The following EPN1 variants were observed in gnomAD, a reference collection of about 807,000 sequenced individuals.
The protein encoded by EPN1 is epsin-1.
A neutral mutation model predicts 56.9 loss-of-function variants in EPN1; 25 were observed. That is an observed-to-expected ratio of 0.44 (90% CI 0.32 to 0.61). The LOEUF is 0.61. EPN1 is among the 20% of genes least tolerant of loss of function. The pLI is 0.05. For missense variants in EPN1, 785 were observed against 823.7 expected (o/e 0.95, Z 0.58); for synonymous variants, 411 against 361.8 (o/e 1.14, Z -1.54).
intron 1 of EPN1, among the ~76,000 whole-genome samples, chr19:55,678,126 G>T (rs1396806657): frequency 1.3e-5 from 2 of 152,238 alleles, no homozygotes; most frequent in East Asian, 3.9e-4. Flanking sequence ...GGATGAGGAA[G>T]AAGGAAGAGC....
intron 1 of EPN1, chr19:55,677,870 T>C: frequency 1.6e-6 from 2 of 1,213,468 alleles, no homozygotes. Flanking sequence ...CTCCACTTCC[T>C]CCTTGCATGG....
At chr19:55,693,550 C>T (rs776619569) in intron 9 of EPN1, among the ~76,000 whole-genome samples, 24 of 152,212 alleles carry the variant, frequency 1.6e-4, no homozygotes, top group African/African-American at 5.3e-4. Context: ...TCGCCGGTGA[C>T]GGGCCCATCT....
Position 55,695,619 on chromosome 19 carries a change from C to A in EPN1, c.*263C>A. ...GGGGGAGGGGTGGCTGGGGCCCCCA[C>A]CCATTCCCCCTCCCTCCAAACTCCC... On this transcript the variant is annotated 3_prime_UTR_variant, in exon 11 of 11. Transcript: ENST00000270460. The surrounding 1 kb of genome is among the most constrained non-coding windows in gnomAD (Gnocchi z 4.4). The A allele has an allele frequency of 2.2e-5, 11 of 493,014 alleles. No homozygotes were observed. The highest frequency in any genetic ancestry group is 5.2e-4 in the Middle Eastern group (1 of 1,924). 30.5% of individuals were successfully genotyped at this position (493,014 alleles called of 1,614,324 possible).
rs1166410956 is a variant in EPN1, at chr19:55,701,378, G to C, written c.*6022G>C. 1 of 151,758 alleles carries C rather than the reference G, an allele frequency of 6.6e-6. No individual in the cohort carries two copies. The highest frequency in any genetic ancestry group is 6.6e-5 in the Admixed American group (1 of 15,232). 9.4% of individuals were successfully genotyped at this position (151,758 alleles called of 1,614,324 possible). A position where few individuals can be genotyped will look rare whatever the true frequency, so the allele number is the denominator to read the frequency against. On this transcript the variant is annotated 3_prime_UTR_variant, in exon 11 of 11. Coordinates refer to ENST00000270460, the MANE Select transcript of EPN1 (RefSeq NM_001130072.2). ...GCAGGAGAATCGCTTGAACCCAGGA[G>C]GCGGAGGTTGTAGTGAGCCGAGATT...
chr19:55,685,458 G>A lies in EPN1; in HGVS notation c.291G>A (p.Lys97=). 1.2e-6 allele frequency: 2 copies of A among 1,611,778 alleles called. No individual in the cohort carries two copies. Among genetic ancestry groups the A allele is most frequent in the Non-Finnish European group, 1.7e-6 (2 of 1,179,142 alleles). The change falls in exon 3 of 11, where the codon AAG becomes AAA. Residue 97 remains lysine (K), a synonymous_variant. Coordinates refer to ENST00000270460, the MANE Select transcript of EPN1 (RefSeq NM_001130072.2). The part of the protein sequence containing the change: ...TGSERVSQQC[K]ENMYAVQTLK... Reference sequence around the variant, plus strand: ...CGGAGCGCGTGTCGCAGCAGTGCAAGGAGAACATGTACGCCGTGCAGACGC... The same window carrying A: ...CGGAGCGCGTGTCGCAGCAGTGCAAAGAGAACATGTACGCCGTGCAGACGC...
rs1433318083 is a variant in EPN1 at position 55,704,098 on chromosome 19, T to C, written c.*8742T>C. On this transcript the variant is annotated 3_prime_UTR_variant, in exon 11 of 11. Transcript: ENST00000270460. ...TCTCACACGTACCTCTCGCGGGCTCTTACTCGTGGTCCCGGTCTCCTCCTG... is the reference window on the plus strand; with the variant it reads ...TCTCACACGTACCTCTCGCGGGCTCCTACTCGTGGTCCCGGTCTCCTCCTG... 1 of 152,318 alleles carries C rather than the reference T, an allele frequency of 6.6e-6. No homozygotes were observed. Among genetic ancestry groups the C allele is most frequent in the East Asian group, 1.9e-4 (1 of 5,192 alleles). The allele number at this position is 152,318 out of a possible 1,614,324, so 9.4% of individuals were successfully genotyped here.
At chr19:55,685,674 C>T (rs1362174961) in intron 3 of EPN1, 29 bp downstream of exon 3, 2 of 1,570,548 alleles carry the variant, frequency 1.3e-6, no homozygotes, top group Non-Finnish European at 1.7e-6. Context: ...CCCCTGACGG[C>T]CTAGAGTCTG....
chr19:55,688,715 C>G (rs1986328518), intron 3 of EPN1, among the ~76,000 whole-genome samples, 155 bp from the exon 4 acceptor site: 1 of 152,036 alleles, frequency 6.6e-6, no homozygotes, highest in Non-Finnish European at 1.5e-5. Flanking sequence ...CGTCTGGTCT[C>G]CGCCTCTCAG....
chr19:55,683,804 C>T (rs929613350), intron 2 of EPN1, among the ~76,000 whole-genome samples: 6 of 152,204 alleles, frequency 3.9e-5, no homozygotes, highest in African/African-American at 9.7e-5. Flanking sequence ...GCTCTGGAAA[C>T]GAAAGTGTTT....
At chr19:55,681,309 C>G (rs562268202) in intron 2 of EPN1, among the ~76,000 whole-genome samples, 8 of 152,196 alleles carry the variant, frequency 5.3e-5, no homozygotes, top group Non-Finnish European at 1.2e-4. Flanking sequence ...TTCTTTTTCT[C>G]CTTTTCCTCT....
chr19:55,689,799 A>G lies in EPN1; in HGVS notation c.679-68A>G, dbSNP rs1312161117. ...GGTGGGAGGGGTTGCTGGGGCTTCC[A>G]GGCTGAGGTGGCATCTGCCCGTGGC... On this transcript the variant is annotated intron_variant, in intron 5 of 10. Coordinates refer to ENST00000270460, the MANE Select transcript of EPN1 (RefSeq NM_001130072.2). The surrounding 1 kb of genome is among the most constrained non-coding windows in gnomAD (Gnocchi z 5.7). The G allele has an allele frequency of 6.8e-7, 1 of 1,462,122 alleles. No individual in the cohort carries two copies. The highest frequency in any genetic ancestry group is 1.4e-5 in the African/African-American group (1 of 71,390). The allele number at this position is 1,462,122 out of a possible 1,614,324, so 90.6% of individuals were successfully genotyped here. A position where few individuals can be genotyped will look rare whatever the true frequency, so the allele number is the denominator to read the frequency against.
At chr19:55,680,696 G>T (rs1157170755) in intron 2 of EPN1, 1 of 152,348 alleles carries the variant, frequency 6.6e-6, no homozygotes, top group East Asian at 1.9e-4. Flanking sequence ...TCCAGGAGGG[G>T]GTCCCTGGGT....
At position 55,692,346 on chromosome 19, in the gene EPN1, G is replaced by A. The variant is rs191339323; in HGVS notation, c.1066+289G>A. On this transcript the variant is annotated intron_variant, in intron 7 of 10. Transcript: ENST00000270460. ...GAGCGTGTGTGACGTAGGCATCTGG[G>A]GAGGGCGGTGGGTGGAGCTGGGAGG... Among the ~76,000 whole-genome samples, 753 of 152,166 alleles carry A rather than the reference G, an allele frequency of 4.9e-3. 5 individuals are homozygous for A. Among genetic ancestry groups the A allele is most frequent in the Middle Eastern group, 0.024 (7 of 294 alleles).
rs1987415780 is a variant in EPN1 at position 55,706,315 on chromosome 19, GCT to G, written c.*10962_*10963del. On this transcript the variant is annotated 3_prime_UTR_variant, in exon 11 of 11. Transcript: ENST00000270460. The stretch of plus-strand genomic sequence containing the variant: ...TTTTTTTTTTAAAAGACCGTGTTTC[GCT>G]CTGTCACCCAGGCTGGAATGCAGTG... 1 of 117,806 alleles carries G rather than the reference GCT, an allele frequency of 8.5e-6. No homozygotes were observed. The highest frequency in any genetic ancestry group is 1.6e-5 in the Non-Finnish European group (1 of 63,412). The allele number at this position is 117,806 out of a possible 1,614,324, so 7.3% of individuals were successfully genotyped here.
chr19:55,693,034 G>T lies in EPN1; in HGVS notation c.1261G>T (p.Ala421Ser), dbSNP rs199812536. Residue 421 changes from alanine (A) to serine (S), a missense_variant, in exon 9 of 11, where the codon GCA (alanine) becomes TCA (serine). Around this residue, in one of 2 missense-constraint regions of EPN1, gnomAD observed 650 missense variants for 605.0 expected, o/e 1.07. Coordinates refer to ENST00000270460, the MANE Select transcript of EPN1 (RefSeq NM_001130072.2). Reference protein sequence around the residue: ...RTALPTSGSSAGELELLAGEV... With the variant: ...RTALPTSGSSSGELELLAGEV... ...GGCACTGCCGACCTCCGGGAGCAGCGCAGGTGAGCCCCTGCCCTCCCCTGC... is the reference window on the plus strand; with the variant it reads ...GGCACTGCCGACCTCCGGGAGCAGCTCAGGTGAGCCCCTGCCCTCCCCTGC... 1.2e-6 allele frequency: 2 copies of T among 1,612,418 alleles called. No individual in the cohort carries two copies. Among genetic ancestry groups the T allele is most frequent in the Non-Finnish European group, 1.7e-6 (2 of 1,179,036 alleles).
intron 7 of EPN1, 124 bp downstream of exon 7, chr19:55,692,181 G>A (rs935409032): frequency 1.2e-5 from 11 of 935,248 alleles, no homozygotes; most frequent in Non-Finnish European, 1.6e-5. Context: ...CGTCCTGGGT[G>A]CAGGGGAGGG....
At chr19:55,687,600 G>A (rs1986252879) in intron 3 of EPN1, among the ~76,000 whole-genome samples, 1 of 152,070 alleles carries the variant, frequency 6.6e-6, no homozygotes, top group Non-Finnish European at 1.5e-5. Flanking sequence ...ACAGGGGCAG[G>A]GAAGAGCAGG....
rs1324626783 is a variant in EPN1 at position 55,691,503 on chromosome 19, T to G, written c.763-251T>G. Among the ~76,000 whole-genome samples the G allele has an allele frequency of 7.6e-6, 1 of 131,460 alleles. No homozygotes were observed. Among genetic ancestry groups the G allele is most frequent in the African/African-American group, 2.9e-5 (1 of 34,272 alleles). 86.2% of individuals were successfully genotyped at this position (131,460 alleles called of 152,430 possible). ...GTGGAGAATGGATGTGGGGCAGGAG[T>G]GGGGCTGTGTTGGGGCTCCCTGGTG... On this transcript the variant is annotated intron_variant, in intron 6 of 10. Coordinates refer to ENST00000270460, the MANE Select transcript of EPN1 (RefSeq NM_001130072.2). This position sits in a 1 kb window ranked among gnomAD's most constrained non-coding sequence, Gnocchi z 5.6.
intron 2 of EPN1, among the ~76,000 whole-genome samples, chr19:55,681,310 C>T (rs1985804704): frequency 6.6e-6 from 1 of 152,204 alleles, no homozygotes; most frequent in African/African-American, 2.4e-5. Flanking sequence ...TCTTTTTCTC[C>T]TTTTCCTCTG....
Sources: gnomAD v4.1 joint callset for allele counts (sites outside exome capture counted in the v4.1 genomes callset) on GRCh38, gnomAD v4.1.1 for gene constraint, gnomAD v4.1.1 regional missense constraint, Gnocchi (gnomAD v3.1) non-coding constraint, MANE v1.5 for transcripts, NCBI Gene and HGNC (gene_info 2026-07-23, HGNC 2026-07-21) for gene names.